The following VPS37A variants were observed in gnomAD, a reference collection of about 807,000 sequenced individuals.
The protein encoded by VPS37A is VPS37A subunit of ESCRT-I.
Under a neutral mutation model 49.8 loss-of-function variants are expected in VPS37A, and 30 were observed. The ratio of observed to expected loss-of-function variants is 0.60; its 90% CI spans 0.45 to 0.82. The LOEUF is 0.82. Ranked by LOEUF, VPS37A falls within the 40% of genes least tolerant of loss-of-function variation. The pLI, the probability that VPS37A is intolerant of heterozygous loss-of-function variation, is 0.00. For synonymous variants in VPS37A, 195 were observed against 160.6 expected (o/e 1.21, Z -1.62); for missense variants, 593 against 464.4 (o/e 1.28, Z -2.55).
At chr8:17,317,785 G>A in the VPS37A span, among the ~76,000 whole-genome samples, 23 of 152,086 alleles carry the variant, frequency 1.5e-4, no homozygotes, top group Non-Finnish European at 2.5e-4. Flanking sequence ...TCATACTTCC[G>A]CCATAAATTG....
chr8:17,276,628 A>T (rs907392023), intron 6 of VPS37A, among the ~76,000 whole-genome samples, 161 bp downstream of exon 6: 1 of 152,266 alleles, frequency 6.6e-6, no homozygotes, highest in Admixed American at 6.5e-5. Context: ...TTTAGGTCCT[A>T]TAGGTTACAT....
intron 6 of VPS37A, among the ~76,000 whole-genome samples, chr8:17,279,152 G>A (rs777256703): frequency 6.6e-6 from 1 of 152,024 alleles, no homozygotes; most frequent in African/African-American, 2.4e-5. Flanking sequence ...AGGTTAAAAC[G>A]GAGTTGTTGT....
chr8:17,277,805 G>T (rs568037814), intron 6 of VPS37A, among the ~76,000 whole-genome samples: 1 of 151,118 alleles, frequency 6.6e-6, no homozygotes, highest in African/African-American at 2.4e-5. Flanking sequence ...TTTGGATAGT[G>T]GATCTCTTAA....
At chr8:17,266,372 G>T (rs560043710) in intron 2 of VPS37A, among the ~76,000 whole-genome samples, 2 of 152,292 alleles carry the variant, frequency 1.3e-5, no homozygotes, top group South Asian at 2.1e-4. Flanking sequence ...TTCAGCAACA[G>T]ATATACTACA....
downstream of VPS37A, among the ~76,000 whole-genome samples, chr8:17,303,540 T>G (rs1205661649): frequency 6.6e-6 from 1 of 152,034 alleles, no homozygotes; most frequent in Non-Finnish European, 1.5e-5. Flanking sequence ...AAAACATACG[T>G]ATCTAGCACA....
the VPS37A span, among the ~76,000 whole-genome samples, chr8:17,320,497 C>A: frequency 6.6e-6 from 1 of 151,994 alleles, no homozygotes; most frequent in African/African-American, 2.4e-5. Flanking sequence ...TTCTGAGAGG[C>A]AGGTCATGTA....
chr8:17,268,601 A>G (rs901461235), intron 3 of VPS37A, among the ~76,000 whole-genome samples: 17 of 152,192 alleles, frequency 1.1e-4, no homozygotes, highest in African/African-American at 4.1e-4. Flanking sequence ...CCCTCAAATT[A>G]TTGTAAATAG....
At chr8:17,251,037 TC>T in intron 1 of VPS37A, among the ~76,000 whole-genome samples, 1 of 152,160 alleles carries the variant, frequency 6.6e-6, no homozygotes, top group East Asian at 1.9e-4. Flanking sequence ...TTCTTATACT[TC>T]CTGAGGAAGC....
At chr8:17,257,728 G>A (rs531627432) in intron 1 of VPS37A, among the ~76,000 whole-genome samples, 1 of 152,168 alleles carries the variant, frequency 6.6e-6, no homozygotes, top group African/African-American at 2.4e-5. Flanking sequence ...GCTTTGGGTA[G>A]TATTGTCATT....
At chr8:17,273,712 C>T (rs769086610) in intron 4 of VPS37A, among the ~76,000 whole-genome samples, 1 of 151,974 alleles carries the variant, frequency 6.6e-6, no homozygotes, top group Non-Finnish European at 1.5e-5. Context: ...CTTCCTTTTT[C>T]AGGCTTTTTT....
intron 10 of VPS37A, 56 bp downstream of exon 10, chr8:17,284,672 AGAG>A: frequency 6.5e-7 from 1 of 1,530,230 alleles, no homozygotes; most frequent in Non-Finnish European, 8.7e-7. Flanking sequence ...GTATTTTTAT[AGAG>A]GAGGAGAAGC....
At chr8:17,262,118 G>T (rs1011795826) in intron 1 of VPS37A, among the ~76,000 whole-genome samples, 2 of 152,066 alleles carry the variant, frequency 1.3e-5, no homozygotes, top group African/African-American at 4.8e-5. Flanking sequence ...AGATTGTGGG[G>T]AGAGGCATCA....
chr8:17,322,552 G>A, the VPS37A span, among the ~76,000 whole-genome samples: 6 of 152,192 alleles, frequency 3.9e-5, no homozygotes, highest in Non-Finnish European at 8.8e-5. Context: ...GGGCACATTG[G>A]GTCATGCCTG....
At chr8:17,315,705 A>AG in the VPS37A span, among the ~76,000 whole-genome samples, 1 of 152,130 alleles carries the variant, frequency 6.6e-6, no homozygotes, top group Non-Finnish European at 1.5e-5. Context: ...ATGTCTCTTA[A>AG]GAAAAAAAAA....
intron 1 of VPS37A, among the ~76,000 whole-genome samples, chr8:17,263,264 A>C (rs1813130774): frequency 1.3e-5 from 2 of 152,198 alleles, no homozygotes; most frequent in Admixed American, 6.5e-5. Flanking sequence ...TTTTTTAATG[A>C]GAATGAATGT....
chr8:17,313,178 T>A, the VPS37A span: 2 of 658,248 alleles, frequency 3.0e-6, no homozygotes, highest in African/African-American at 3.6e-5. Context: ...AAGCTGGCTA[T>A]CCAGTCAGTG....
At chr8:17,264,745 C>G (rs1813287158) in intron 1 of VPS37A, among the ~76,000 whole-genome samples, 1 of 152,134 alleles carries the variant, frequency 6.6e-6, no homozygotes, top group Non-Finnish European at 1.5e-5. Context: ...GGTATTCATG[C>G]TTGAAGAAGT....
At chr8:17,311,885 C>A in the VPS37A span, 1 of 486,062 alleles carries the variant, frequency 2.1e-6, no homozygotes, top group Non-Finnish European at 3.7e-6. Context: ...AGCGCATGTA[C>A]TTACTAAACA....
chr8:17,251,271 A>C (rs554900038), intron 1 of VPS37A, among the ~76,000 whole-genome samples: 10 of 152,312 alleles, frequency 6.6e-5, no homozygotes, highest in Non-Finnish European at 1.3e-4. Context: ...TTTCTCAGCA[A>C]TAGTAACAAA....
Sources: gnomAD v4.1 joint callset for allele counts (sites outside exome capture counted in the v4.1 genomes callset) on GRCh38, gnomAD v4.1.1 for gene constraint, MANE v1.5 for transcripts, NCBI Gene and HGNC (gene_info 2026-07-23, HGNC 2026-07-21) for gene names.